RPL21: variants seen among roughly 807,000 people sequenced by gnomAD.
RPL21 encodes the protein large ribosomal subunit protein eL21.
In RPL21, 1 loss-of-function variant was observed where a neutral mutation model predicts 21.2. The ratio of observed to expected loss-of-function variants is 0.05; its 90% CI spans 0.02 to 0.22. The LOEUF (loss-of-function observed/expected upper bound fraction) is 0.22, where lower values mean the gene tolerates loss of function less well. Ranked by LOEUF, RPL21 falls within the 10% of genes least tolerant of loss-of-function variation. The probability of loss-of-function intolerance (pLI) is 1.00; values close to 1 mark genes in which losing one functional copy is unlikely to be tolerated. For missense variants in RPL21, 113 were observed against 199.4 expected (o/e 0.57, Z 2.61); for synonymous variants, 52 against 62.9 (o/e 0.83, Z 0.82).
intron 4 of RPL21, 77 bp downstream of exon 4, chr13:27,255,431 A>C (rs1009088849): frequency 6.4e-6 from 5 of 785,102 alleles, no homozygotes; most frequent in Non-Finnish European, 9.4e-6. Context: ...AGTTGGACTT[A>C]TGTCTTTATT....
At chr13:27,252,725 G>C (rs1023991027) in intron 1 of RPL21, among the ~76,000 whole-genome samples, 1 of 152,210 alleles carries the variant, frequency 6.6e-6, no homozygotes, top group East Asian at 1.9e-4. Flanking sequence ...TTCATCCATT[G>C]TAACAATGGT....
Position 27,254,352 on chromosome 13 carries a change from A to G in RPL21, c.129+71A>G, listed in dbSNP as rs1881788373. The G allele has an allele frequency of 3.6e-6, 3 of 842,724 alleles. No homozygotes were observed. In the African/African-American group the frequency reaches 5.0e-5, roughly 14 times the overall value. The allele number at this position is 842,724 out of a possible 1,614,324, so 52.2% of individuals were successfully genotyped here. On this transcript the variant is annotated intron_variant, in intron 3 of 5. Coordinates refer to ENST00000311549, the MANE Select transcript of RPL21 (RefSeq NM_000982.4). ...TGGATTTAATCTAGTGTAGGAATTCAAATACTAGTGTATGTTGCATCTGTA... is the reference window on the plus strand; with the variant it reads ...TGGATTTAATCTAGTGTAGGAATTCGAATACTAGTGTATGTTGCATCTGTA...
At chr13:27,255,440 T>C in intron 4 of RPL21, 86 bp downstream of exon 4, 3 of 780,912 alleles carry the variant, frequency 3.8e-6, no homozygotes, top group Non-Finnish European at 7.1e-6. Context: ...TATGTCTTTA[T>C]TGGTCATTCA....
chr13:27,252,283 C>T (rs1881688628), intron 1 of RPL21, among the ~76,000 whole-genome samples: 1 of 152,160 alleles, frequency 6.6e-6, no homozygotes, highest in East Asian at 1.9e-4. Flanking sequence ...AGAGGAGATA[C>T]TGTTTTGCGA....
At chr13:27,251,975 A>T (rs1232263225) in intron 1 of RPL21, 1 of 152,122 alleles carries the variant, frequency 6.6e-6, no homozygotes, top group Non-Finnish European at 1.5e-5. Context: ...TGCCTTTCTA[A>T]CTCCTTTCAG....
At chr13:27,255,585 G>C (rs1419177144) in intron 4 of RPL21, 1 of 669,470 alleles carries the variant, frequency 1.5e-6, no homozygotes, top group African/African-American at 1.8e-5. Context: ...TGTTTGTTTT[G>C]TTTCGAGACG....
chr13:27,252,328 A>G (rs1236098837), intron 1 of RPL21, among the ~76,000 whole-genome samples: 1 of 152,232 alleles, frequency 6.6e-6, no homozygotes, highest in Non-Finnish European at 1.5e-5. Context: ...GAAGGGAAAC[A>G]TTTAGCCATA....
intron 4 of RPL21, chr13:27,255,696 G>A (rs978103058): frequency 2.6e-6 from 1 of 381,184 alleles, no homozygotes; most frequent in Non-Finnish European, 5.1e-6. Context: ...CTCAGCCTCT[G>A]GGGTAGCTAG....
At chr13:27,254,376 T>C in intron 3 of RPL21, 95 bp downstream of exon 3, 5 of 736,648 alleles carry the variant, frequency 6.8e-6, no homozygotes, top group Non-Finnish European at 9.8e-6. Flanking sequence ...GTTGCATCTG[T>C]AAGAGTATAG....
Position 27,254,203 on chromosome 13 carries a change from C to T in RPL21, c.68-17C>T. On this transcript the variant is annotated splice_polypyrimidine_tract_variant and intron_variant, in intron 2 of 5. Transcript: ENST00000311549. Reference sequence around the variant, plus strand: ...TTTTTAGCCTTAATACTCACTATACCAAATTTATTTTTGTAGGAGTTGTTC... The same window carrying T: ...TTTTTAGCCTTAATACTCACTATACTAAATTTATTTTTGTAGGAGTTGTTC... 1 of 1,542,264 alleles carries T rather than the reference C, an allele frequency of 6.5e-7. No homozygotes were observed. The highest frequency in any genetic ancestry group is 9.0e-7 in the Non-Finnish European group (1 of 1,115,128).
intron 3 of RPL21, among the ~76,000 whole-genome samples, chr13:27,254,731 C>T (rs1235529929): frequency 1.3e-5 from 2 of 152,098 alleles, no homozygotes; most frequent in Non-Finnish European, 2.9e-5. Context: ...CCATGTTGGT[C>T]AGGCTGGTCT....
At chr13:27,256,357 A>G in intron 5 of RPL21, 23 bp downstream of exon 5, 11 of 1,607,204 alleles carry the variant, frequency 6.8e-6, no homozygotes, top group African/African-American at 1.3e-5. Context: ...TGTATATTTC[A>G]TTGGTTCTGA....
chr13:27,254,816 C>T (rs1020641503), intron 3 of RPL21: 10 of 350,748 alleles, frequency 2.9e-5, no homozygotes, highest in Admixed American at 1.2e-4. Flanking sequence ...CCACCGTGCC[C>T]GGCCTAGAAT....
intron 4 of RPL21, chr13:27,255,909 A>T (rs1327579064): frequency 7.9e-6 from 3 of 380,136 alleles, no homozygotes; most frequent in African/African-American, 6.3e-5. Flanking sequence ...AGTTTAGTAA[A>T]CTTTTAAATT....
chr13:27,253,581 C>T (rs1409753986), intron 1 of RPL21, 184 bp from the exon 2 acceptor site: 2 of 541,212 alleles, frequency 3.7e-6, no homozygotes, highest in Non-Finnish European at 6.7e-6. Context: ...GGCAGTTTTG[C>T]CAAAAGACCT....
At chr13:27,251,816 A>G (rs1881660216) in intron 1 of RPL21, 1 of 152,238 alleles carries the variant, frequency 6.6e-6, no homozygotes, top group Non-Finnish European at 1.5e-5. Context: ...CTGCGGGGGG[A>G]CATTTGCGAG....
intron 4 of RPL21, 48 bp from the exon 5 acceptor site, chr13:27,256,136 C>G: frequency 7.0e-7 from 1 of 1,430,430 alleles, no homozygotes; most frequent in Non-Finnish European, 9.7e-7. Context: ...TTCTACATTT[C>G]TGTTATATTT....
chr13:27,253,377 G>C (rs1015303446), intron 1 of RPL21, among the ~76,000 whole-genome samples: 2 of 151,974 alleles, frequency 1.3e-5, no homozygotes, highest in African/African-American at 4.9e-5. Flanking sequence ...AAAAATGTAA[G>C]GCTGTTTTAT....
intron 4 of RPL21, chr13:27,255,752 T>C: frequency 2.8e-6 from 1 of 357,354 alleles, no homozygotes; most frequent in Non-Finnish European, 5.4e-6. Context: ...TTTTGTATTC[T>C]TAGTAGAGAC....
Sources: allele counts gnomAD v4.1 joint callset (sites outside exome capture counted in the v4.1 genomes callset), GRCh38; gene constraint gnomAD v4.1.1; transcripts MANE v1.5; gene names NCBI Gene and HGNC (gene_info 2026-07-23, HGNC 2026-07-21).